ADORA2B: variants seen among roughly 807,000 people sequenced by gnomAD.
The protein encoded by ADORA2B is adenosine receptor A2b.
ADORA2B carries 18 observed loss-of-function variants against 20.8 expected under a neutral mutation model. The observed-to-expected ratio is 0.87, with a 90% CI of 0.60 to 1.29. The LOEUF (loss-of-function observed/expected upper bound fraction) is 1.29, where lower values mean the gene tolerates loss of function less well. Among genes scored for constraint, ADORA2B ranks in the 50% most tolerant of loss-of-function variants. ADORA2B has a pLI of 0.00. For missense variants in ADORA2B, 441 were observed against 422.7 expected (o/e 1.04, Z -0.38); for synonymous variants, 179 against 178.3 (o/e 1.00, Z -0.03).
the ADORA2B span, among the ~76,000 whole-genome samples, chr17:15,900,336 C>T: frequency 6.6e-6 from 1 of 152,190 alleles, no homozygotes; most frequent in Non-Finnish European, 1.5e-5. Context: ...ATCTCCGAAT[C>T]GCTTTCCACA....
the ADORA2B span, among the ~76,000 whole-genome samples, chr17:15,903,531 C>T: frequency 1.3e-5 from 2 of 152,272 alleles, no homozygotes; most frequent in South Asian, 2.1e-4. Flanking sequence ...GACCCTCCCC[C>T]CAAGCACCTA....
At chr17:15,892,165 A>AT in the ADORA2B span, among the ~76,000 whole-genome samples, 17 of 147,194 alleles carry the variant, frequency 1.2e-4, no homozygotes, top group African/African-American at 4.0e-4. Flanking sequence ...CTGGCCAAAT[A>AT]TTTTTTTTGA....
chr17:15,858,229 G>A, the ADORA2B span, among the ~76,000 whole-genome samples: 1 of 152,092 alleles, frequency 6.6e-6, no homozygotes, highest in Non-Finnish European at 1.5e-5. Flanking sequence ...CATGAACAGT[G>A]CACAAGGGTT....
the ADORA2B span, among the ~76,000 whole-genome samples, chr17:15,925,581 A>C: frequency 1.3e-5 from 2 of 152,234 alleles, no homozygotes; most frequent in Admixed American, 1.3e-4. Flanking sequence ...ATAGAGGTGA[A>C]GTAATAAATG....
chr17:15,853,165 C>G, the ADORA2B span, among the ~76,000 whole-genome samples: 3 of 152,078 alleles, frequency 2.0e-5, no homozygotes, highest in Admixed American at 2.0e-4. Flanking sequence ...AAACTGACAT[C>G]TGCCTTCTCA....
At chr17:15,874,042 G>GTA in the ADORA2B span, among the ~76,000 whole-genome samples, 2,187 of 134,762 alleles carry the variant, frequency 0.016, 36 homozygotes, top group African/African-American at 0.052. Context: ...ATATATATGT[G>GTA]TATATATATA....
the ADORA2B span, among the ~76,000 whole-genome samples, chr17:15,892,461 G>C: frequency 6.6e-6 from 1 of 150,956 alleles, no homozygotes. Context: ...TAGCCACCGT[G>C]CTCGGCCGAA....
chr17:15,858,032 C>T, the ADORA2B span, among the ~76,000 whole-genome samples: 1 of 141,442 alleles, frequency 7.1e-6, no homozygotes, highest in Non-Finnish European at 1.6e-5. Context: ...GGGTTGCATC[C>T]ACCTCAGCTT....
chr17:15,930,286 CTTTTT>C, the ADORA2B span, among the ~76,000 whole-genome samples: 1 of 138,870 alleles, frequency 7.2e-6, no homozygotes. Flanking sequence ...TATGTGTCTC[CTTTTT>C]TTTTTTTTTT....
chr17:15,929,887 T>C, the ADORA2B span, among the ~76,000 whole-genome samples: 12 of 152,048 alleles, frequency 7.9e-5, no homozygotes, highest in Non-Finnish European at 1.5e-4. Flanking sequence ...GGGGAGTTAG[T>C]GTTTAATGGG....
upstream of ADORA2B, among the ~76,000 whole-genome samples, chr17:15,940,359 A>G (rs555299607): frequency 1.3e-5 from 2 of 152,208 alleles, no homozygotes; most frequent in Admixed American, 6.5e-5. Context: ...TCCTCAGGAA[A>G]AGCGGAGCCA....
At chr17:15,922,341 G>T in the ADORA2B span, among the ~76,000 whole-genome samples, 1 of 152,000 alleles carries the variant, frequency 6.6e-6, no homozygotes, top group Non-Finnish European at 1.5e-5. Context: ...TTTTGTTTGG[G>T]TTTTTTTCTT....
the ADORA2B span, among the ~76,000 whole-genome samples, chr17:15,896,323 TAAAG>T: frequency 2.0e-5 from 3 of 152,070 alleles, no homozygotes; most frequent in African/African-American, 4.8e-5. Flanking sequence ...TTAAACATAT[TAAAG>T]AGATAAAGGG....
chr17:15,917,976 C>A, the ADORA2B span, among the ~76,000 whole-genome samples: 1 of 152,238 alleles, frequency 6.6e-6, no homozygotes, highest in African/African-American at 2.4e-5. Flanking sequence ...TCCTCCGTAT[C>A]CTTGTGGGTG....
chr17:15,939,859 CAAAAAAAAA>C, the ADORA2B span, among the ~76,000 whole-genome samples: 7 of 53,368 alleles, frequency 1.3e-4, no homozygotes, highest in African/African-American at 4.8e-4. Flanking sequence ...GACTCTGTCT[CAAAAAAAAA>C]AAAAAAAAAA....
chr17:15,956,590 C>CTTTTTTTTTT (rs11290214), intron 1 of ADORA2B, among the ~76,000 whole-genome samples: 1 of 51,418 alleles, frequency 1.9e-5, no homozygotes. Context: ...TTATGTGTGT[C>CTTTTTTTTTT]TTTTTTTTTT....
the ADORA2B span, among the ~76,000 whole-genome samples, chr17:15,923,701 C>T: frequency 1.3e-5 from 2 of 152,040 alleles, no homozygotes; most frequent in Admixed American, 6.6e-5. Flanking sequence ...CCACCGCGCC[C>T]GGTCCCATTG....
At chr17:15,851,227 G>A in the ADORA2B span, among the ~76,000 whole-genome samples, 1 of 149,978 alleles carries the variant, frequency 6.7e-6, no homozygotes, top group Non-Finnish European at 1.5e-5. Flanking sequence ...AGCAGAAAGG[G>A]ATTTAATCCA....
chr17:15,952,233 C>A (rs1259894719), intron 1 of ADORA2B, among the ~76,000 whole-genome samples: 1 of 152,192 alleles, frequency 6.6e-6, no homozygotes, highest in East Asian at 1.9e-4. Flanking sequence ...GTGTACACTG[C>A]AGGGACAGAT....
Sources: gnomAD v4.1 joint callset for allele counts (sites outside exome capture counted in the v4.1 genomes callset) on GRCh38, gnomAD v4.1.1 for gene constraint, MANE v1.5 for transcripts, NCBI Gene and HGNC (gene_info 2026-07-23, HGNC 2026-07-21) for gene names.